The following PKP2 variants were observed in gnomAD, a reference collection of about 807,000 sequenced individuals.
The protein encoded by PKP2 is plakophilin 2.
In PKP2, 73 loss-of-function variants were observed where a neutral mutation model predicts 83.4. The observed-to-expected ratio is 0.88, with a 90% CI of 0.72 to 1.06. The LOEUF (loss-of-function observed/expected upper bound fraction) is 1.06. Among genes scored for constraint, PKP2 ranks in the 50% least tolerant of loss-of-function variants. The pLI, the probability that PKP2 is intolerant of heterozygous loss-of-function variation, is 0.00. For missense variants in PKP2, 966 were observed against 1,065.4 expected, an observed-to-expected ratio of 0.91 and a Z score of 1.30; for synonymous variants, 409 against 430.4, an observed-to-expected ratio of 0.95 and a Z score of 0.62.
chr12:32,885,266 T>C (rs1402244325), intron 1 of PKP2, among the ~76,000 whole-genome samples: 4 of 152,216 alleles, frequency 2.6e-5, no homozygotes, highest in Non-Finnish European at 5.9e-5. Flanking sequence ...ATTGGAATGA[T>C]ATGATTCCTA....
intron 9 of PKP2, among the ~76,000 whole-genome samples, chr12:32,810,233 G>A (rs927220477): frequency 1.3e-5 from 2 of 152,056 alleles, no homozygotes; most frequent in Non-Finnish European, 2.9e-5. Flanking sequence ...TTTCACCATT[G>A]GTCAATGAAT....
At chr12:32,872,735 G>A (rs530039356) in intron 3 of PKP2, among the ~76,000 whole-genome samples, 17 of 152,252 alleles carry the variant, frequency 1.1e-4, no homozygotes, top group African/African-American at 3.9e-4. Context: ...CTCAGTAAAT[G>A]CAAATCCCCA....
At chr12:32,876,194 T>C (rs1177316077) in intron 3 of PKP2, among the ~76,000 whole-genome samples, 3 of 152,282 alleles carry the variant, frequency 2.0e-5, no homozygotes, top group South Asian at 2.1e-4. Flanking sequence ...TTACTCAATA[T>C]AGTGTCTGCT....
chr12:32,836,069 C>G (rs1241877329), intron 6 of PKP2, among the ~76,000 whole-genome samples: 1 of 152,246 alleles, frequency 6.6e-6, no homozygotes, highest in African/African-American at 2.4e-5. Context: ...CTCCAACACA[C>G]TGGAGTGTAC....
rs1956814165 is a variant in PKP2, at chr12:32,862,941, G to C, written c.1170+5986C>G. ...ATGAACACGAAAGGTGGAGGTTGCAGTGAGCTAAGATCGCGCCACTGCATT... is the reference window on the plus strand; with the variant it reads ...ATGAACACGAAAGGTGGAGGTTGCACTGAGCTAAGATCGCGCCACTGCATT... On this transcript the variant is annotated intron_variant, in intron 4 of 12. Coordinates refer to ENST00000340811, the MANE Select transcript of PKP2 (RefSeq NM_001005242.3). Among the ~76,000 whole-genome samples the C allele has an allele frequency of 2.6e-5, 4 of 152,328 alleles. No homozygotes were observed. In the South Asian group the frequency reaches 8.3e-4, roughly 32 times the overall value.
intron 4 of PKP2, among the ~76,000 whole-genome samples, chr12:32,851,605 A>C (rs933505962): frequency 1.3e-5 from 2 of 152,066 alleles, no homozygotes; most frequent in Non-Finnish European, 2.9e-5. Context: ...GGTAGCTGGG[A>C]CTACAGGCGC....
intron 11 of PKP2, among the ~76,000 whole-genome samples, chr12:32,795,063 G>A (rs1468324316): frequency 6.6e-6 from 1 of 152,138 alleles, no homozygotes; most frequent in Non-Finnish European, 1.5e-5. Flanking sequence ...ATATCTATTT[G>A]TAATAAGTCA....
intron 4 of PKP2, among the ~76,000 whole-genome samples, chr12:32,864,570 A>T (rs61683576): frequency 7.7e-4 from 118 of 152,288 alleles, no homozygotes; most frequent in Middle Eastern, 3.4e-3. Flanking sequence ...GTCATGGGTC[A>T]CAAGACTCAA....
chr12:32,872,025 G>A (rs1002914712), intron 3 of PKP2, among the ~76,000 whole-genome samples: 1 of 152,142 alleles, frequency 6.6e-6, no homozygotes, highest in African/African-American at 2.4e-5. Context: ...CTTGAAGGCT[G>A]CAGAAATGTG....
chr12:32,793,613 CTTTT>C (rs35990527), intron 11 of PKP2, among the ~76,000 whole-genome samples: 37 of 76,732 alleles, frequency 4.8e-4, no homozygotes, highest in African/African-American at 1.0e-3. Context: ...TCATATTCTG[CTTTT>C]TTTTTTTTTT....
intron 10 of PKP2, among the ~76,000 whole-genome samples, chr12:32,801,047 T>C (rs749242533): frequency 1.2e-4 from 19 of 152,374 alleles, no homozygotes; most frequent in African/African-American, 1.9e-4. Context: ...GAAGTCCTTT[T>C]ACTTATATAT....
At chr12:32,806,806 C>G (rs75954902) in intron 9 of PKP2, among the ~76,000 whole-genome samples, 1 of 151,748 alleles carries the variant, frequency 6.6e-6, no homozygotes, top group East Asian at 1.9e-4. Flanking sequence ...TAGGTTGATA[C>G]CTTGAGATCT....
In PKP2 at chr12:32,851,579, C is replaced by G. The variant is rs375781311; in HGVS notation, c.1171-606G>C. Among the ~76,000 whole-genome samples the G allele has an allele frequency of 3.9e-5, 6 of 152,280 alleles. No individual in the cohort carries two copies. The East Asian group carries it at 1.2e-3, about 29-fold the overall frequency. ...CGCCTCCCAGGTTCACACCATTCTC[C>G]CGCCTCAGCCTCCTGGGTAGCTGGG... is the stretch of plus-strand genomic sequence containing the variant. On this transcript the variant is annotated intron_variant, in intron 4 of 12. Transcript: ENST00000340811.
At chr12:32,792,575 GGTCAA>G in intron 12 of PKP2, 64 bp downstream of exon 12, 2 of 1,548,546 alleles carry the variant, frequency 1.3e-6, no homozygotes, top group Non-Finnish European at 8.9e-7. Flanking sequence ...TTCTTCCCAG[GGTCAA>G]GTCAAGTGGG....
intron 6 of PKP2, among the ~76,000 whole-genome samples, chr12:32,838,505 TAATGTGATCCTC>T (rs1956562198): frequency 6.6e-6 from 1 of 152,138 alleles, no homozygotes; most frequent in Non-Finnish European, 1.5e-5. Context: ...ATTAACTCCT[TAATGTGATCCTC>T]AAGATCGCCA....
chr12:32,865,232 G>C (rs1050253318), intron 4 of PKP2, among the ~76,000 whole-genome samples: 3 of 151,754 alleles, frequency 2.0e-5, no homozygotes, highest in Admixed American at 6.6e-5. Context: ...AAAATTAGCC[G>C]GGTGTGGTGG....
At chr12:32,873,630 A>C (rs1261376100) in intron 3 of PKP2, among the ~76,000 whole-genome samples, 1 of 151,992 alleles carries the variant, frequency 6.6e-6, no homozygotes, top group African/African-American at 2.4e-5. Context: ...CCTGGGTTCA[A>C]GCAATTTTCC....
At chr12:32,811,348 A>G (rs560044546) in intron 9 of PKP2, among the ~76,000 whole-genome samples, 2 of 152,360 alleles carry the variant, frequency 1.3e-5, no homozygotes, top group Non-Finnish European at 2.9e-5. Flanking sequence ...TGAGGCAATG[A>G]TGCCAAAACA....
chr12:32,824,440 A>G (rs1956414030), intron 6 of PKP2: 1 of 414,428 alleles, frequency 2.4e-6, no homozygotes. Context: ...TCTTCACTCC[A>G]TTTTGAGTGT....
Sources: gnomAD v4.1 joint callset for allele counts (sites outside exome capture counted in the v4.1 genomes callset) on GRCh38, gnomAD v4.1.1 for gene constraint, MANE v1.5 for transcripts, NCBI Gene and HGNC (gene_info 2026-07-23, HGNC 2026-07-21) for gene names.